Variants in OR2L13 observed in about 807,000 individuals in gnomAD.
The protein encoded by OR2L13 is olfactory receptor family 2 subfamily L member 13, also known as olfactory receptor 2L13.
Under a neutral mutation model 15.3 loss-of-function variants are expected in OR2L13, and 14 were observed. The observed-to-expected ratio is 0.91, with a 90% CI of 0.60 to 1.43. The LOEUF (loss-of-function observed/expected upper bound fraction) is 1.43. OR2L13 is among the 40% of genes most tolerant of loss of function. OR2L13 has a pLI of 0.00. For missense variants in OR2L13, 367 were observed against 387.9 expected (o/e 0.95, Z 0.45); for synonymous variants, 152 against 142.9 (o/e 1.06, Z -0.45).
the OR2L13 span, among the ~76,000 whole-genome samples, chr1:248,069,465 C>T: frequency 6.6e-6 from 1 of 152,168 alleles, no homozygotes; most frequent in Non-Finnish European, 1.5e-5. Context: ...AAAAGAGCTC[C>T]TGAAGGTAGC....
chr1:248,058,043 G>T, the OR2L13 span, among the ~76,000 whole-genome samples: 1 of 152,148 alleles, frequency 6.6e-6, no homozygotes, highest in Admixed American at 6.5e-5. Flanking sequence ...GTGTCTTGTT[G>T]CAAATCTTAG....
chr1:248,023,166 A>G, the OR2L13 span: 4 of 244,360 alleles, frequency 1.6e-5, no homozygotes, highest in Non-Finnish European at 3.2e-5. Flanking sequence ...ATAAATGTCC[A>G]AAGGAATCAT....
chr1:247,951,997 G>A, the OR2L13 span, among the ~76,000 whole-genome samples: 2 of 152,074 alleles, frequency 1.3e-5, no homozygotes, highest in African/African-American at 4.8e-5. Context: ...GTGTGTGCGC[G>A]CGTGCGCGCA....
At chr1:248,070,186 C>G in the OR2L13 span, among the ~76,000 whole-genome samples, 1 of 152,136 alleles carries the variant, frequency 6.6e-6, no homozygotes, top group African/African-American at 2.4e-5. Flanking sequence ...TTTTCAGCAC[C>G]ACAACACGCC....
chr1:248,044,101 C>G, the OR2L13 span, among the ~76,000 whole-genome samples: 2 of 152,138 alleles, frequency 1.3e-5, no homozygotes, highest in East Asian at 3.9e-4. Context: ...ACCAAACTTT[C>G]TGGGAATGCA....
chr1:248,067,596 A>G, the OR2L13 span, among the ~76,000 whole-genome samples: 1 of 152,198 alleles, frequency 6.6e-6, no homozygotes, highest in Non-Finnish European at 1.5e-5. Flanking sequence ...CTGCATTTCC[A>G]TCTGAGGTAC....
chr1:247,961,015 C>A, the OR2L13 span, among the ~76,000 whole-genome samples: 2 of 152,146 alleles, frequency 1.3e-5, no homozygotes, highest in African/African-American at 2.4e-5. Context: ...AGAAATTACC[C>A]GTCTTCTGCG....
At chr1:248,008,988 A>G in the OR2L13 span, among the ~76,000 whole-genome samples, 2 of 152,210 alleles carry the variant, frequency 1.3e-5, no homozygotes, top group Non-Finnish European at 2.9e-5. Context: ...CTTGAAGCCA[A>G]TGAGAACAAA....
At chr1:248,010,664 C>G in the OR2L13 span, among the ~76,000 whole-genome samples, 2 of 151,100 alleles carry the variant, frequency 1.3e-5, no homozygotes, top group Non-Finnish European at 2.9e-5. Flanking sequence ...GTATTGATCC[C>G]TTTACCACTA....
At chr1:247,955,085 C>T in the OR2L13 span, among the ~76,000 whole-genome samples, 1 of 151,980 alleles carries the variant, frequency 6.6e-6, no homozygotes, top group African/African-American at 2.4e-5. Context: ...TCTCCTAATG[C>T]TATCCCTCCC....
At chr1:248,030,086 G>A in the OR2L13 span, 6 of 152,188 alleles carry the variant, frequency 3.9e-5, no homozygotes, top group East Asian at 5.8e-4. Flanking sequence ...CTGAAATCTC[G>A]TGTGTAGGGA....
At chr1:248,098,300 T>A (rs368653988) in intron 1 of OR2L13, among the ~76,000 whole-genome samples, 102 of 152,340 alleles carry the variant, frequency 6.7e-4, no homozygotes, top group African/African-American at 2.3e-3. Context: ...AGCACTGTCA[T>A]AAAACATAAA....
At chr1:248,060,612 A>G in the OR2L13 span, 3 of 1,262,486 alleles carry the variant, frequency 2.4e-6, no homozygotes, top group Admixed American at 2.0e-5. Flanking sequence ...CATTCCCTGC[A>G]GATAAAGACG....
chr1:248,054,428 T>G, the OR2L13 span, among the ~76,000 whole-genome samples: 1 of 152,154 alleles, frequency 6.6e-6, no homozygotes, highest in Non-Finnish European at 1.5e-5. Flanking sequence ...TGCAAGCTCT[T>G]TTTTGGTTCC....
chr1:248,006,302 C>T, the OR2L13 span, among the ~76,000 whole-genome samples: 869 of 150,256 alleles, frequency 5.8e-3, 14 homozygotes, highest in Middle Eastern at 0.024. Context: ...TGCATAAGAA[C>T]GCCAGGCCAG....
At chr1:248,010,126 C>T in the OR2L13 span, among the ~76,000 whole-genome samples, 4 of 152,150 alleles carry the variant, frequency 2.6e-5, no homozygotes, top group African/African-American at 9.7e-5. Context: ...TGCCCTCTCT[C>T]ACCACTCCTA....
At chr1:247,951,915 A>AC in the OR2L13 span, among the ~76,000 whole-genome samples, 2 of 152,066 alleles carry the variant, frequency 1.3e-5, no homozygotes, top group Non-Finnish European at 2.9e-5. Flanking sequence ...GCCCAGGCAT[A>AC]CCCCAGACAC....
the OR2L13 span, among the ~76,000 whole-genome samples, chr1:248,006,627 A>G: frequency 7.9e-5 from 12 of 152,058 alleles, no homozygotes; most frequent in Non-Finnish European, 1.6e-4. Flanking sequence ...CCCCAAATCC[A>G]TATGCTTAAA....
chr1:247,958,581 C>T, the OR2L13 span, among the ~76,000 whole-genome samples: 1 of 152,250 alleles, frequency 6.6e-6, no homozygotes, highest in Admixed American at 6.5e-5. Context: ...GAGTCTAAGT[C>T]TCTTTGTAGG....
Sources: allele counts gnomAD v4.1 joint callset (sites outside exome capture counted in the v4.1 genomes callset), GRCh38; gene constraint gnomAD v4.1.1; transcripts MANE v1.5; gene names NCBI Gene and HGNC (gene_info 2026-07-23, HGNC 2026-07-21).